Variants in FAM177A1 observed in about 807,000 individuals in gnomAD.
The protein encoded by FAM177A1 is protein FAM177A1.
In FAM177A1, 22 loss-of-function variants were observed where a neutral mutation model predicts 26.1. That is an observed-to-expected ratio of 0.84 (90% CI 0.60 to 1.20). The LOEUF (loss-of-function observed/expected upper bound fraction) is 1.20, where lower values mean the gene tolerates loss of function less well. FAM177A1 is among the 50% of genes most tolerant of loss of function. The pLI, the probability that FAM177A1 is intolerant of heterozygous loss-of-function variation, is 0.00. For missense variants in FAM177A1, 296 were observed against 291.1 expected (o/e 1.02, Z -0.12); for synonymous variants, 95 against 99.3 (o/e 0.96, Z 0.26).
rs759659523 is a variant in FAM177A1, at chr14:35,081,005, T to G, written c.505-17T>G. The G allele has an allele frequency of 1.3e-6, 2 of 1,590,324 alleles. No individual in the cohort carries two copies. Among genetic ancestry groups the G allele is most frequent in the Non-Finnish European group, 1.7e-6 (2 of 1,168,636 alleles). Reference sequence around the variant, plus strand: ...TTTCGTATTTCAACTATTCTTGATATTGCTCCTTTTTTTTAGGAAGAAGAA... The same window carrying G: ...TTTCGTATTTCAACTATTCTTGATAGTGCTCCTTTTTTTTAGGAAGAAGAA... On this transcript the variant is annotated splice_polypyrimidine_tract_variant and intron_variant, in intron 4 of 4. Coordinates refer to ENST00000280987, the MANE Select transcript of FAM177A1 (RefSeq NM_173607.5).
At chr14:35,049,923 GT>G (rs2044936491) in intron 1 of FAM177A1, 1 of 152,156 alleles carries the variant, frequency 6.6e-6, no homozygotes, top group African/African-American at 2.4e-5. Flanking sequence ...GATCTTTGGG[GT>G]TCGTTATGGA....
At chr14:35,054,950 C>T (rs1318107178) in intron 2 of FAM177A1, 2 of 151,576 alleles carry the variant, frequency 1.3e-5, no homozygotes, top group East Asian at 3.9e-4. Context: ...GCACTCCAGC[C>T]TGGGCAATAA....
At chr14:35,079,956 A>G (rs1260915287) in intron 4 of FAM177A1, among the ~76,000 whole-genome samples, 3 of 152,192 alleles carry the variant, frequency 2.0e-5, no homozygotes, top group African/African-American at 7.2e-5. Context: ...ATATGGTTTC[A>G]AACCTGTTTT....
intron 2 of FAM177A1, among the ~76,000 whole-genome samples, chr14:35,058,636 A>T (rs1489605241): frequency 6.6e-6 from 1 of 152,018 alleles, no homozygotes; most frequent in East Asian, 1.9e-4. Context: ...GCACTTTGGG[A>T]GGCTGAGGCA....
At chr14:35,055,257 C>G (rs2045041876) in intron 2 of FAM177A1, among the ~76,000 whole-genome samples, 1 of 143,202 alleles carries the variant, frequency 7.0e-6, no homozygotes, top group South Asian at 2.3e-4. Flanking sequence ...GAGCCGAGAT[C>G]GTGCCATTGT....
chr14:35,052,618 G>C (rs964852693), intron 1 of FAM177A1, among the ~76,000 whole-genome samples: 1 of 151,952 alleles, frequency 6.6e-6, no homozygotes, highest in East Asian at 1.9e-4. Flanking sequence ...AAATATATAG[G>C]AGTAAAATTT....
At position 35,082,520 on chromosome 14, in the gene FAM177A1, A is replaced by G. The variant is rs11555796; in HGVS notation, c.*1292A>G. On this transcript the variant is annotated 3_prime_UTR_variant, in exon 5 of 5. Transcript: ENST00000280987. ...AGAGTGAGACTCCATCTTGGGGGGA[A>G]AAAAGTATATATATATACACACACA... 2 of 150,584 alleles carry G rather than the reference A, an allele frequency of 1.3e-5. No individual in the cohort carries two copies. Among genetic ancestry groups the G allele is most frequent in the Non-Finnish European group, 2.9e-5 (2 of 68,036 alleles). 9.3% of individuals were successfully genotyped at this position (150,584 alleles called of 1,614,324 possible).
chr14:35,059,738 G>T (rs141794371), intron 2 of FAM177A1, among the ~76,000 whole-genome samples: 6 of 151,834 alleles, frequency 4.0e-5, no homozygotes, highest in African/African-American at 1.2e-4. Context: ...TAGTAGAGAC[G>T]GGGTTTCACC....
rs2044860647 is a variant in FAM177A1 at position 35,046,327 on chromosome 14, G to A, written c.-137G>A. 2 of 1,080,274 alleles carry A rather than the reference G, an allele frequency of 1.9e-6. No homozygotes were observed. Among genetic ancestry groups the A allele is most frequent in the Non-Finnish European group, 2.5e-6 (2 of 806,044 alleles). 66.9% of individuals were successfully genotyped at this position (1,080,274 alleles called of 1,614,324 possible). A position where few individuals can be genotyped will look rare whatever the true frequency, so the allele number is the denominator to read the frequency against. ...GAGCCCGGCGGGCTAGGCGAGGCGC[G>A]GGCTGGCCCCGCCCCTCAGGCCGGC... is the stretch of plus-strand genomic sequence containing the variant. On this transcript the variant is annotated 5_prime_UTR_variant, in exon 1 of 5. Coordinates refer to ENST00000280987, the MANE Select transcript of FAM177A1 (RefSeq NM_173607.5).
chr14:35,062,839 T>TA (rs1294966338), intron 2 of FAM177A1, among the ~76,000 whole-genome samples: 2 of 146,708 alleles, frequency 1.4e-5, no homozygotes, highest in Non-Finnish European at 3.0e-5. Context: ...TATTAATTAA[T>TA]AAAGCAAATA....
chr14:35,054,503 A>G (rs2045028916), intron 2 of FAM177A1, among the ~76,000 whole-genome samples: 1 of 152,146 alleles, frequency 6.6e-6, no homozygotes, highest in African/African-American at 2.4e-5. Context: ...GGGTGATATA[A>G]ATTTCTGCTC....
chr14:35,067,603 A>G (rs1342055117), intron 2 of FAM177A1, among the ~76,000 whole-genome samples: 1 of 152,182 alleles, frequency 6.6e-6, no homozygotes, highest in African/African-American at 2.4e-5. Flanking sequence ...AGGAACCTCC[A>G]TCCTGTTTTC....
rs534459741 is a variant in FAM177A1 at position 35,077,322 on chromosome 14, T to C, written c.406+106T>C. On this transcript the variant is annotated intron_variant, in intron 3 of 4. Transcript: ENST00000280987. ...AAACTGAAGGAGAAACAATAGGGAGTTAATCACTGTCCTCAAGAGCTAGCT... is the reference window on the plus strand; with the variant it reads ...AAACTGAAGGAGAAACAATAGGGAGCTAATCACTGTCCTCAAGAGCTAGCT... 8.7e-4 allele frequency: 856 copies of C among 983,622 alleles called. 4 individuals carry two copies. The highest frequency in any genetic ancestry group is 4.6e-3 in the Middle Eastern group (22 of 4,772). The allele number at this position is 983,622 out of a possible 1,614,324, so 60.9% of individuals were successfully genotyped here. A position where few individuals can be genotyped will look rare whatever the true frequency, so the allele number is the denominator to read the frequency against.
intron 2 of FAM177A1, among the ~76,000 whole-genome samples, chr14:35,059,673 A>G (rs2045119552): frequency 6.6e-6 from 1 of 150,812 alleles, no homozygotes; most frequent in Non-Finnish European, 1.5e-5. Flanking sequence ...AGCTGGGATT[A>G]CAGATGCACG....
At chr14:35,070,140 A>G (rs1209199351) in intron 2 of FAM177A1, among the ~76,000 whole-genome samples, 105 of 138,478 alleles carry the variant, frequency 7.6e-4, no homozygotes, top group Non-Finnish European at 1.4e-3. Context: ...AAAAAAAAAA[A>G]AAAAAAAAAA....
At chr14:35,047,793 C>A (rs1186211505) in intron 1 of FAM177A1, among the ~76,000 whole-genome samples, 1 of 151,740 alleles carries the variant, frequency 6.6e-6, no homozygotes, top group East Asian at 1.9e-4. Context: ...AAAAAAAAAA[C>A]CCTTGAGTTG....
At chr14:35,055,927 C>T (rs571400342) in intron 2 of FAM177A1, among the ~76,000 whole-genome samples, 1 of 152,250 alleles carries the variant, frequency 6.6e-6, no homozygotes, top group South Asian at 2.1e-4. Flanking sequence ...TATGTTATTT[C>T]ATTGTCGTTT....
intron 2 of FAM177A1, among the ~76,000 whole-genome samples, chr14:35,069,687 T>G (rs1566673099): frequency 6.6e-6 from 1 of 152,136 alleles, no homozygotes; most frequent in Non-Finnish European, 1.5e-5. Flanking sequence ...ATAAATATGA[T>G]AAGACAAAGG....
Position 35,053,280 on chromosome 14 carries a change from G to T in FAM177A1, c.168G>T (p.Met56Ile). 1 of 1,607,876 alleles carries T rather than the reference G, an allele frequency of 6.2e-7. No homozygotes were observed. Among genetic ancestry groups the T allele is most frequent in the South Asian group, 1.1e-5 (1 of 90,090 alleles). The change falls in exon 2 of 5, where the codon ATG becomes ATT. Residue 56 changes from methionine to isoleucine, a missense_variant and splice_region_variant. Physicochemically the swap from Met to Ile is conservative, Grantham distance 10. Coordinates refer to ENST00000280987, the MANE Select transcript of FAM177A1 (RefSeq NM_173607.5). ...AAAFGESAGQ[M>I]SNERGFENVE... ...TTCTTAAAATATCGTTGATATAGAT[G>T]AGTAACGAAAGAGGCTTTGAAAATG...
Sources: allele counts gnomAD v4.1 joint callset (sites outside exome capture counted in the v4.1 genomes callset), GRCh38; gene constraint gnomAD v4.1.1; transcripts MANE v1.5; gene names NCBI Gene and HGNC (gene_info 2026-07-23, HGNC 2026-07-21).